DCAF13: variants seen among roughly 807,000 people sequenced by gnomAD.
DCAF13 encodes DDB1 and CUL4 associated factor 13.
A neutral mutation model predicts 59.0 loss-of-function variants in DCAF13; 38 were observed. The observed-to-expected ratio is 0.64, with a 90% confidence interval of 0.50 to 0.84. The LOEUF (loss-of-function observed/expected upper bound fraction) is 0.84. Among genes scored for constraint, DCAF13 ranks in the 40% least tolerant of loss-of-function variants. The pLI is 0.00. For missense variants in DCAF13, 469 were observed against 558.4 expected, an observed-to-expected ratio of 0.84 and a Z score of 1.61; for synonymous variants, 173 against 175.0, an observed-to-expected ratio of 0.99 and a Z score of 0.09.
chr8:103,435,104 G>C (rs1286083387), intron 7 of DCAF13, among the ~76,000 whole-genome samples: 2 of 151,994 alleles, frequency 1.3e-5, no homozygotes, highest in African/African-American at 4.8e-5. Flanking sequence ...TAAAATGTTG[G>C]AAACTATTAA....
At chr8:103,442,681 A>G (rs1231956056) in intron 10 of DCAF13, 114 bp from the exon 11 acceptor site, 1 of 614,532 alleles carries the variant, frequency 1.6e-6, no homozygotes, top group Non-Finnish European at 2.7e-6. Flanking sequence ...TCGTGAAAAT[A>G]TTTTTTTAAA....
intron 7 of DCAF13, among the ~76,000 whole-genome samples, chr8:103,434,120 C>A (rs1393073505): frequency 6.6e-6 from 1 of 151,864 alleles, no homozygotes; most frequent in Admixed American, 6.6e-5. Context: ...CTTTTGTATC[C>A]CTTTTCTATA....
Position 103,435,641 on chromosome 8 carries a change from T to TA in DCAF13, c.802dup (p.Met268AsnfsTer20). 1 of 1,559,446 alleles carries TA rather than the reference T, an allele frequency of 6.4e-7. No individual in the cohort carries two copies. The highest frequency in any genetic ancestry group is 8.7e-7 in the Non-Finnish European group (1 of 1,152,804). On this transcript the variant is annotated frameshift_variant, in exon 8 of 11. Transcript: ENST00000612750. LOFTEE classifies it high-confidence loss of function. The stretch of plus-strand genomic sequence containing the variant: ...TCTTTTACAGCTTATATACTTTTGA[T>TA]ATGCGTGCACTGGACACTCCTGTAA...
At chr8:103,415,754 T>A (rs1264925746) in intron 1 of DCAF13, among the ~76,000 whole-genome samples, 1 of 152,212 alleles carries the variant, frequency 6.6e-6, no homozygotes, top group Non-Finnish European at 1.5e-5. Flanking sequence ...GAAACAGTTG[T>A]CTATAGTGGA....
At chr8:103,415,605 G>A in intron 1 of DCAF13, 89 bp downstream of exon 1, 1 of 1,300,592 alleles carries the variant, frequency 7.7e-7, no homozygotes, top group South Asian at 1.4e-5. Flanking sequence ...GGGGGAGGCT[G>A]GCACTCTGGT....
At chr8:103,425,024 T>G (rs1439432812) in intron 3 of DCAF13, among the ~76,000 whole-genome samples, 1 of 152,228 alleles carries the variant, frequency 6.6e-6, no homozygotes, top group Non-Finnish European at 1.5e-5. Context: ...TCCTGATCAC[T>G]TATCTGTTTT....
chr8:103,423,767 T>C (rs1816753565), intron 3 of DCAF13, among the ~76,000 whole-genome samples: 1 of 152,212 alleles, frequency 6.6e-6, no homozygotes, highest in Admixed American at 6.5e-5. Flanking sequence ...AACACAATGT[T>C]GTACATCATA....
At chr8:103,417,808 T>C (rs909312900) in intron 1 of DCAF13, among the ~76,000 whole-genome samples, 3 of 151,710 alleles carry the variant, frequency 2.0e-5, no homozygotes, top group Non-Finnish European at 2.9e-5. Flanking sequence ...GAGTGACATG[T>C]AAAAAGCTGT....
At position 103,435,721 on chromosome 8, in the gene DCAF13, G is replaced by T; in HGVS notation, c.881G>T (p.Gly294Val). 6.2e-7 allele frequency: 1 copy of T among 1,613,736 alleles called. No homozygotes were observed. The highest frequency in any genetic ancestry group is 8.5e-7 in the Non-Finnish European group (1 of 1,179,800). ...AVLDVDYSPT[G>V]KEFVSASFDK... The stretch of plus-strand genomic sequence containing the variant: ...CTTGATGTGGATTACTCTCCCACTG[G>T]GAAGGAGTTTGTGTCTGCTAGTTTC... Residue 294 changes from glycine (G) to valine (V), a missense_variant, in exon 8 of 11, where the codon GGG becomes GTG. Coordinates refer to ENST00000612750, the MANE Select transcript of DCAF13 (RefSeq NM_015420.7).
In DCAF13 at chr8:103,420,339, A is replaced by G; in HGVS notation, c.146A>G (p.Lys49Arg). ...TATATAAGAGCTTTAAATGCTACCA[A>G]ACTGGAACGAGTATTTGCAAAACCA... ...REYIRALNAT[K>R]LERVFAKPFL... The change falls in exon 2 of 11, where the codon AAA becomes AGA. Residue 49 changes from lysine to arginine, a missense_variant. Around this residue, in one of 3 missense-constraint regions of DCAF13, gnomAD observed 355 missense variants for 399.1 expected, o/e 0.89. Coordinates refer to ENST00000612750, the MANE Select transcript of DCAF13 (RefSeq NM_015420.7). The G allele has an allele frequency of 1.2e-6, 2 of 1,614,196 alleles. No individual in the cohort carries two copies. The highest frequency in any genetic ancestry group is 1.7e-6 in the Non-Finnish European group (2 of 1,180,034).
rs548930423 is a variant in DCAF13 at position 103,430,340 on chromosome 8, C to T, written c.625-272C>T. 616 of 196,298 alleles carry T rather than the reference C, an allele frequency of 3.1e-3. 7 individuals carry two copies. The highest frequency in any genetic ancestry group is 6.4e-3 in the Admixed American group (105 of 16,504). The allele number at this position is 196,298 out of a possible 1,614,324, so 12.2% of individuals were successfully genotyped here. ...CTGGGAGGTAGAGGTTGCAGTGAGC[C>T]AAGATTGCACCACTGCACTCCAGCC... On this transcript the variant is annotated intron_variant, in intron 5 of 10. Transcript: ENST00000612750.
At chr8:103,419,117 C>T (rs147558721) in intron 1 of DCAF13, among the ~76,000 whole-genome samples, 49 of 151,610 alleles carry the variant, frequency 3.2e-4, no homozygotes, top group Non-Finnish European at 6.5e-4. Flanking sequence ...ATCTCCTGAC[C>T]TCGTGATCCG....
intron 3 of DCAF13, among the ~76,000 whole-genome samples, chr8:103,424,111 C>G (rs761206266): frequency 6.6e-6 from 1 of 152,070 alleles, no homozygotes; most frequent in Admixed American, 6.5e-5. Flanking sequence ...CTCTGCCTCC[C>G]GGGTTCACGC....
chr8:103,417,355 T>G (rs1239260041), intron 1 of DCAF13, among the ~76,000 whole-genome samples: 1 of 151,232 alleles, frequency 6.6e-6, no homozygotes, highest in Non-Finnish European at 1.5e-5. Flanking sequence ...AAAAAAAAGA[T>G]CTTTGGCTGG....
chr8:103,415,921 T>G (rs901433870), intron 1 of DCAF13, among the ~76,000 whole-genome samples: 2 of 152,238 alleles, frequency 1.3e-5, no homozygotes, highest in African/African-American at 4.8e-5. Flanking sequence ...TTCACATTAG[T>G]TGTGGATGTT....
Position 103,427,107 on chromosome 8 carries a change from C to G in DCAF13, c.479C>G (p.Thr160Ser). The change falls in exon 5 of 11, where the codon ACT (threonine) becomes AGT (serine). Residue 160 changes from threonine (T) to serine (S), a missense_variant. This residue lies in a region of DCAF13 where 355 missense variants were observed against 399.1 expected (regional missense o/e 0.89). Transcript: ENST00000612750. Reference protein sequence around the residue: ...LHTILGKTVYTGIDHHWKEAV... With the variant: ...LHTILGKTVYSGIDHHWKEAV... ...TTTTTGCTTTTAAAGACAGTGTATACTGGGATTGATCATCACTGGAAAGAA... is the reference window on the plus strand; with the variant it reads ...TTTTTGCTTTTAAAGACAGTGTATAGTGGGATTGATCATCACTGGAAAGAA... 6.2e-7 allele frequency: 1 copy of G among 1,611,956 alleles called. No homozygotes were observed. The highest frequency in any genetic ancestry group is 8.5e-7 in the Non-Finnish European group (1 of 1,179,348).
intron 7 of DCAF13, among the ~76,000 whole-genome samples, chr8:103,434,387 C>A (rs1052469285): frequency 1.3e-5 from 2 of 152,008 alleles, no homozygotes; most frequent in African/African-American, 4.8e-5. Flanking sequence ...AATTGGAATT[C>A]TTATCATTTT....
chr8:103,442,929 T>G lies in DCAF13; in HGVS notation c.*47T>G. On this transcript the variant is annotated 3_prime_UTR_variant, in exon 11 of 11. Coordinates refer to ENST00000612750, the MANE Select transcript of DCAF13 (RefSeq NM_015420.7). ...ATGTATAATTATTTGTTACTTTTGA[T>G]TTGAGAACTCTACAAATAAAAGTGC... The G allele has an allele frequency of 7.5e-7, 1 of 1,328,640 alleles. No individual in the cohort carries two copies. Among genetic ancestry groups the G allele is most frequent in the Non-Finnish European group, 1.0e-6 (1 of 954,532 alleles). The allele number at this position is 1,328,640 out of a possible 1,614,324, so 82.3% of individuals were successfully genotyped here.
At chr8:103,439,213 G>C (rs3134270) in intron 8 of DCAF13, among the ~76,000 whole-genome samples, 34,209 of 151,276 alleles carry the variant, frequency 0.23, 3,978 homozygotes, top group East Asian at 0.34. Flanking sequence ...ACCTGGTCTC[G>C]ATCTCCTGAC....
Sources: gnomAD v4.1 joint callset for allele counts (sites outside exome capture counted in the v4.1 genomes callset) on GRCh38, gnomAD v4.1.1 for gene constraint, gnomAD v4.1.1 regional missense constraint, MANE v1.5 for transcripts, NCBI Gene and HGNC (gene_info 2026-07-23, HGNC 2026-07-21) for gene names.